PTPRM: variants seen among roughly 807,000 people sequenced by gnomAD.
The protein encoded by PTPRM is protein tyrosine phosphatase receptor type M, also known as receptor-type tyrosine-protein phosphatase mu.
Under a neutral mutation model 186.7 loss-of-function variants are expected in PTPRM, and 47 were observed. That is an observed-to-expected ratio of 0.25 (90% CI 0.20 to 0.32). The LOEUF (loss-of-function observed/expected upper bound fraction) is 0.32. Ranked by LOEUF, PTPRM falls within the 10% of genes least tolerant of loss-of-function variation. The pLI is 1.00. For synonymous variants in PTPRM, 668 were observed against 674.9 expected, an observed-to-expected ratio of 0.99 and a Z score of 0.16; for missense variants, 1,494 against 1,865.0, an observed-to-expected ratio of 0.80 and a Z score of 3.66.
chr18:7,627,256 T>C (rs1279490127), intron 1 of PTPRM, among the ~76,000 whole-genome samples: 4 of 152,218 alleles, frequency 2.6e-5, no homozygotes, highest in African/African-American at 9.6e-5. Context: ...GGTTATCAGA[T>C]GTTACCATCC....
At chr18:7,773,899 C>T (rs1436110463) in intron 1 of PTPRM, among the ~76,000 whole-genome samples, 1 of 152,114 alleles carries the variant, frequency 6.6e-6, no homozygotes, top group Non-Finnish European at 1.5e-5. Context: ...CTTCAGCTGG[C>T]TTCTACCAAC....
intron 1 of PTPRM, among the ~76,000 whole-genome samples, chr18:7,745,817 A>G (rs1392016614): frequency 6.6e-6 from 1 of 152,240 alleles, no homozygotes; most frequent in East Asian, 1.9e-4. Flanking sequence ...AATTGAAGAC[A>G]AGGCTGAGAA....
intron 2 of PTPRM, among the ~76,000 whole-genome samples, chr18:7,819,774 G>A (rs2045080366): frequency 6.6e-6 from 1 of 152,184 alleles, no homozygotes; most frequent in Non-Finnish European, 1.5e-5. Context: ...GAACCCCACA[G>A]CCTGTCTGTC....
chr18:7,570,721 G>A (rs1046618930), intron 1 of PTPRM, among the ~76,000 whole-genome samples: 24 of 152,132 alleles, frequency 1.6e-4, no homozygotes, highest in African/African-American at 5.3e-4. Flanking sequence ...ATCTACACAA[G>A]GCACTCTGCC....
intron 14 of PTPRM, among the ~76,000 whole-genome samples, chr18:8,242,366 A>G (rs2147281045): frequency 6.6e-6 from 1 of 152,330 alleles, no homozygotes; most frequent in South Asian, 2.1e-4. Flanking sequence ...TCAGAAGTGA[A>G]GAGAAAATGT....
chr18:7,695,878 G>T (rs562348181), intron 1 of PTPRM, among the ~76,000 whole-genome samples: 2 of 152,314 alleles, frequency 1.3e-5, no homozygotes, highest in South Asian at 4.1e-4. Flanking sequence ...ATCATTTAAA[G>T]ATAAATGGGC....
intron 7 of PTPRM, among the ~76,000 whole-genome samples, chr18:7,961,246 C>G (rs2053663249): frequency 6.6e-6 from 1 of 152,188 alleles, no homozygotes; most frequent in African/African-American, 2.4e-5. Flanking sequence ...TCTTCCCAAA[C>G]TGAAACACTG....
At chr18:7,733,024 A>C (rs1002337574) in intron 1 of PTPRM, among the ~76,000 whole-genome samples, 1 of 152,138 alleles carries the variant, frequency 6.6e-6, no homozygotes, top group African/African-American at 2.4e-5. Flanking sequence ...ACCAGGAAAA[A>C]TTAGGCATGT....
intron 1 of PTPRM, among the ~76,000 whole-genome samples, chr18:7,612,627 T>G (rs2037703971): frequency 6.6e-6 from 1 of 152,180 alleles, no homozygotes; most frequent in South Asian, 2.1e-4. Flanking sequence ...GTCATAGCTC[T>G]TCAGTGAATG....
intron 5 of PTPRM, among the ~76,000 whole-genome samples, chr18:7,940,770 C>A (rs2052120677): frequency 6.6e-6 from 1 of 151,812 alleles, no homozygotes; most frequent in African/African-American, 2.4e-5. Flanking sequence ...GCAAAACCTC[C>A]CCATTTTTGT....
intron 7 of PTPRM, among the ~76,000 whole-genome samples, chr18:8,051,372 A>G (rs1356996074): frequency 6.6e-6 from 1 of 152,184 alleles, no homozygotes; most frequent in East Asian, 1.9e-4. Flanking sequence ...ACAATAATCA[A>G]CTTCCCATCT....
chr18:8,007,546 C>T (rs1447073470), intron 7 of PTPRM, among the ~76,000 whole-genome samples: 1 of 152,146 alleles, frequency 6.6e-6, no homozygotes, highest in Non-Finnish European at 1.5e-5. Context: ...AATCAAGTGA[C>T]TTGTCTAACA....
At position 7,949,183 on chromosome 18, in the gene PTPRM, C is replaced by T. The variant is rs2052766526; in HGVS notation, c.666C>T (p.Gly222=). Residue 222 remains glycine, a splice_region_variant and synonymous_variant, in exon 6 of 33, where the codon GGC becomes GGT. Coordinates refer to ENST00000580170, the MANE Select transcript of PTPRM (RefSeq NM_001105244.2). ...CCTCCCCACCCCACTTGATACAGGG[C>T]ATTGATGTGCGAGATGCTCCTCTGA... is the stretch of plus-strand genomic sequence containing the variant. ...TVAGDRLWLQ[G]IDVRDAPLKE... is the part of the protein sequence containing the mutation. 15 of 1,600,888 alleles carry T rather than the reference C, an allele frequency of 9.4e-6. No homozygotes were observed. The highest frequency in any genetic ancestry group is 1.3e-5 in the Non-Finnish European group (15 of 1,168,792).
In PTPRM at chr18:8,147,508, CTT is replaced by C. The variant is rs546456053; in HGVS notation, c.2300+3731_2300+3732del. Among the ~76,000 whole-genome samples the C allele has an allele frequency of 1.8e-3, 280 of 152,304 alleles. 1 individual carries two copies. Among genetic ancestry groups the C allele is most frequent in the Middle Eastern group, 0.017 (5 of 294 alleles). ...TTTGCGTTGATTTTGTATCCTGAGACTTTGCTGAAGTTACTTATCAGCTTAAG... is the reference window on the plus strand; with the variant it reads ...TTTGCGTTGATTTTGTATCCTGAGACTGCTGAAGTTACTTATCAGCTTAAG... On this transcript the variant is annotated intron_variant, in intron 14 of 32. Coordinates refer to ENST00000580170, the MANE Select transcript of PTPRM (RefSeq NM_001105244.2).
intron 2 of PTPRM, among the ~76,000 whole-genome samples, chr18:7,783,109 A>T (rs1029874121): frequency 6.6e-6 from 1 of 152,238 alleles, no homozygotes; most frequent in Non-Finnish European, 1.5e-5. Flanking sequence ...GGAGCCAAGT[A>T]ATGGAATAAA....
At chr18:7,765,897 G>A (rs965557202) in intron 1 of PTPRM, among the ~76,000 whole-genome samples, 6 of 152,120 alleles carry the variant, frequency 3.9e-5, no homozygotes, top group African/African-American at 1.4e-4. Flanking sequence ...AACTTTAAAT[G>A]GACTATAATT....
intron 7 of PTPRM, among the ~76,000 whole-genome samples, chr18:7,992,021 A>C (rs1285688193): frequency 6.6e-6 from 1 of 152,150 alleles, no homozygotes; most frequent in Non-Finnish European, 1.5e-5. Context: ...AAGGTAAAGA[A>C]AGTTAGTCAA....
At chr18:7,917,359 C>T (rs1486937806) in intron 4 of PTPRM, among the ~76,000 whole-genome samples, 2 of 152,080 alleles carry the variant, frequency 1.3e-5, no homozygotes, top group East Asian at 3.9e-4. Context: ...TAGTGAAACC[C>T]CATCTCTACT....
intron 19 of PTPRM, among the ~76,000 whole-genome samples, chr18:8,277,676 T>C (rs1033180925): frequency 3.3e-5 from 5 of 152,346 alleles, no homozygotes; most frequent in African/African-American, 1.2e-4. Context: ...AGAGTAGAAA[T>C]GAAGCTTGAA....
Sources: gnomAD v4.1 joint callset for allele counts (sites outside exome capture counted in the v4.1 genomes callset) on GRCh38, gnomAD v4.1.1 for gene constraint, MANE v1.5 for transcripts, NCBI Gene and HGNC (gene_info 2026-07-23, HGNC 2026-07-21) for gene names.